The following ANKRD55 variants were observed in gnomAD, a reference collection of about 807,000 sequenced individuals.
ANKRD55 encodes the protein ankyrin repeat domain 55.
A neutral mutation model predicts 60.6 loss-of-function variants in ANKRD55; 41 were observed. That is an observed-to-expected ratio of 0.68 (90% CI 0.53 to 0.88). The LOEUF (loss-of-function observed/expected upper bound fraction) is 0.88, where lower values mean the gene tolerates loss of function less well. Among genes scored for constraint, ANKRD55 ranks in the 40% least tolerant of loss-of-function variants. The pLI is 0.00. For synonymous variants in ANKRD55, 264 were observed against 290.3 expected (o/e 0.91, Z 0.92); for missense variants, 732 against 767.6 (o/e 0.95, Z 0.55).
intron 2 of ANKRD55, among the ~76,000 whole-genome samples, chr5:56,221,414 G>C (rs573862834): frequency 1.3e-5 from 2 of 152,172 alleles, no homozygotes; most frequent in Non-Finnish European, 2.9e-5. Flanking sequence ...AGCTCCCAGC[G>C]TGAGTGACGC....
At chr5:56,120,650 A>G (rs1580951498) in intron 8 of ANKRD55, among the ~76,000 whole-genome samples, 1 of 152,122 alleles carries the variant, frequency 6.6e-6, no homozygotes, top group African/African-American at 2.4e-5. Flanking sequence ...CTGTAATCCC[A>G]CCACTTTGGG....
intron 8 of ANKRD55, among the ~76,000 whole-genome samples, chr5:56,118,252 C>T (rs59547042): frequency 1.3e-5 from 2 of 152,120 alleles, no homozygotes; most frequent in African/African-American, 4.8e-5. Flanking sequence ...AATAAAAAGA[C>T]AAGCCATAGG....
chr5:56,173,582 C>CTA (rs1182603115), intron 4 of ANKRD55, among the ~76,000 whole-genome samples: 1,491 of 45,158 alleles, frequency 0.033, 69 homozygotes, highest in Non-Finnish European at 0.039. Context: ...CTCTCTCTCT[C>CTA]TATATATATA....
At position 56,135,299 on chromosome 5, in the gene ANKRD55, CTTTCTTTCT is replaced by C. The variant is rs1561264023; in HGVS notation, c.613-8202_613-8194del. Among the ~76,000 whole-genome samples, 10 of 4,706 alleles carry C rather than the reference CTTTCTTTCT, an allele frequency of 2.1e-3. 1 individual carries two copies. Among genetic ancestry groups the C allele is most frequent in the East Asian group, 0.013 (9 of 676 alleles). 3.1% of individuals were successfully genotyped at this position (4,706 alleles called of 152,430 possible). ...CCCTCCCTGCCTGCCTGCTTGCTTT[CTTTCTTTCT>C]TTCTTTCTTTCTTTCTTTCTTTCTT... On this transcript the variant is annotated intron_variant, in intron 7 of 11. Coordinates refer to ENST00000341048, the MANE Select transcript of ANKRD55 (RefSeq NM_024669.3).
At chr5:56,192,762 G>A (rs868291365) in intron 2 of ANKRD55, 40 of 1,163,194 alleles carry the variant, frequency 3.4e-5, no homozygotes, top group Non-Finnish European at 4.9e-5. Flanking sequence ...TCTAGCCAAC[G>A]TAAAGATGAG....
rs541343905 is a variant in ANKRD55, at chr5:56,194,921, C to T, written c.59-11287G>A. Among the ~76,000 whole-genome samples the T allele has an allele frequency of 8.7e-4, 133 of 152,236 alleles. 2 individuals are homozygous for T. In the South Asian group the frequency reaches 0.026, roughly 29 times the overall value. On this transcript the variant is annotated intron_variant, in intron 2 of 11. Coordinates refer to ENST00000341048, the MANE Select transcript of ANKRD55 (RefSeq NM_024669.3). The stretch of plus-strand genomic sequence containing the variant: ...TTCTCATCCTGTTGAGAGATGAGAA[C>T]GTGTTTGTGCCTTTCATAACTTGTT...
At chr5:56,225,006 C>G (rs1760069911) in intron 2 of ANKRD55, among the ~76,000 whole-genome samples, 1 of 152,148 alleles carries the variant, frequency 6.6e-6, no homozygotes, top group Non-Finnish European at 1.5e-5. Context: ...AACCTGATAC[C>G]AAAGCCTGGC....
chr5:56,184,088 C>T (rs1758912917), intron 2 of ANKRD55, among the ~76,000 whole-genome samples: 1 of 152,160 alleles, frequency 6.6e-6, no homozygotes, highest in African/African-American at 2.4e-5. Flanking sequence ...GCAGCCTTTC[C>T]CACCCTATTC....
chr5:56,131,158 CA>C (rs140702122), intron 7 of ANKRD55, among the ~76,000 whole-genome samples: 2,508 of 150,248 alleles, frequency 0.017, 43 homozygotes, highest in Admixed American at 0.042. Flanking sequence ...CCAAAAACAA[CA>C]AAAAAAAACA....
At chr5:56,139,549 A>C (rs1757697423) in intron 7 of ANKRD55, among the ~76,000 whole-genome samples, 1 of 152,220 alleles carries the variant, frequency 6.6e-6, no homozygotes, top group Non-Finnish European at 1.5e-5. Context: ...AAGAAGAAAG[A>C]AGCATTTTAC....
chr5:56,172,845 G>T (rs1199563332), intron 4 of ANKRD55, among the ~76,000 whole-genome samples: 1 of 152,122 alleles, frequency 6.6e-6, no homozygotes, highest in Non-Finnish European at 1.5e-5. Context: ...CCTTCTTGTT[G>T]TATCCAACTA....
chr5:56,152,118 A>AC (rs1758069762), intron 6 of ANKRD55, among the ~76,000 whole-genome samples: 2 of 89,908 alleles, frequency 2.2e-5, no homozygotes, highest in Non-Finnish European at 4.5e-5. Flanking sequence ...ACCCTACTCC[A>AC]TTTTTTTTTT....
intron 5 of ANKRD55, among the ~76,000 whole-genome samples, chr5:56,162,401 CCGATGGGGGAACTGGCAGGAG>C (rs1758354202): frequency 6.6e-6 from 1 of 152,082 alleles, no homozygotes; most frequent in African/African-American, 2.4e-5. Context: ...TCGGGTTTTG[CCGATGGGGGAACTGGCAGGAG>C]GAGGGAGAGA....
intron 4 of ANKRD55, among the ~76,000 whole-genome samples, chr5:56,172,121 GA>G (rs11362837): frequency 0.27 from 23,138 of 87,000 alleles, 3,245 homozygotes; most frequent in African/African-American, 0.49. Flanking sequence ...TCTGTCTCAA[GA>G]AAAAAAAAAA....
chr5:56,119,591 A>C (rs921275234), intron 8 of ANKRD55, among the ~76,000 whole-genome samples: 2 of 152,176 alleles, frequency 1.3e-5, no homozygotes, highest in Non-Finnish European at 2.9e-5. Context: ...TAAAAAGAAC[A>C]CCAGTATTCT....
chr5:56,113,698 G>A (rs1438766343), intron 9 of ANKRD55, among the ~76,000 whole-genome samples: 1 of 152,114 alleles, frequency 6.6e-6, no homozygotes, highest in Non-Finnish European at 1.5e-5. Context: ...TGAGGGTGAG[G>A]TGGGGGAATG....
intron 2 of ANKRD55, among the ~76,000 whole-genome samples, chr5:56,188,245 A>G (rs1237760134): frequency 6.6e-6 from 1 of 152,074 alleles, no homozygotes; most frequent in African/African-American, 2.4e-5. Context: ...GTCGAGAACA[A>G]TACTGTTGCT....
chr5:56,105,437 A>G (rs1370346192), intron 10 of ANKRD55, among the ~76,000 whole-genome samples: 2 of 152,210 alleles, frequency 1.3e-5, no homozygotes, highest in African/African-American at 4.8e-5. Flanking sequence ...TATTTCCTAC[A>G]GAGATCAGGG....
chr5:56,112,297 C>T (rs1012382290), intron 9 of ANKRD55, among the ~76,000 whole-genome samples: 9 of 151,718 alleles, frequency 5.9e-5, no homozygotes, highest in African/African-American at 1.9e-4. Context: ...GAGTGCTGAC[C>T]GACTGACATT....
Sources: allele counts gnomAD v4.1 joint callset (sites outside exome capture counted in the v4.1 genomes callset), GRCh38; gene constraint gnomAD v4.1.1; transcripts MANE v1.5; gene names NCBI Gene and HGNC (gene_info 2026-07-23, HGNC 2026-07-21).